CNGB3: variants seen among roughly 807,000 people sequenced by gnomAD.
CNGB3 encodes the protein cyclic nucleotide gated channel subunit beta 3, also known as cyclic nucleotide-gated channel beta-3.
A neutral mutation model predicts 92.8 loss-of-function variants in CNGB3; 86 were observed. That is an observed-to-expected ratio of 0.93 (90% confidence interval 0.78 to 1.11). CNGB3 has a LOEUF of 1.11. Among genes scored for constraint, CNGB3 ranks in the 50% least tolerant of loss-of-function variants. The probability of loss-of-function intolerance (pLI) is 0.00; values close to 1 mark genes in which losing one functional copy is unlikely to be tolerated. For synonymous variants in CNGB3, 333 were observed against 332.7 expected, an observed-to-expected ratio of 1.00 and a Z score of -0.01; for missense variants, 1,026 against 956.8, an observed-to-expected ratio of 1.07 and a Z score of -0.95.
chr8:86,723,554 T>G (rs1011098008), intron 3 of CNGB3, among the ~76,000 whole-genome samples: 8 of 152,194 alleles, frequency 5.3e-5, no homozygotes, highest in Non-Finnish European at 8.8e-5. Context: ...GTCCCTAGGA[T>G]TCTAGATATG....
rs1821643905 is a variant in CNGB3 at position 86,575,729 on chromosome 8, C to T, written c.*75G>A. 8 of 1,385,416 alleles carry T rather than the reference C, an allele frequency of 5.8e-6. No homozygotes were observed. The highest frequency in any genetic ancestry group is 4.7e-5 in the East Asian group (2 of 42,700). The allele number at this position is 1,385,416 out of a possible 1,614,324, so 85.8% of individuals were successfully genotyped here. A position where few individuals can be genotyped will look rare whatever the true frequency, so the allele number is the denominator to read the frequency against. Reference sequence around the variant, plus strand: ...AGGGTCCCAGCATGTCGTTTCCCCTCGTTAATTTAAGTTACAATCCTAGGT... The same window carrying T: ...AGGGTCCCAGCATGTCGTTTCCCCTTGTTAATTTAAGTTACAATCCTAGGT... On this transcript the variant is annotated 3_prime_UTR_variant, in exon 18 of 18. Coordinates refer to ENST00000320005, the MANE Select transcript of CNGB3 (RefSeq NM_019098.5).
At chr8:86,743,140 A>T (rs1043288880) in intron 1 of CNGB3, among the ~76,000 whole-genome samples, 1 of 152,142 alleles carries the variant, frequency 6.6e-6, no homozygotes, top group Non-Finnish European at 1.5e-5. Flanking sequence ...TTTATTGTTA[A>T]CATGTGGTTT....
At chr8:86,592,179 A>G (rs1158350982) in intron 15 of CNGB3, among the ~76,000 whole-genome samples, 2 of 152,320 alleles carry the variant, frequency 1.3e-5, no homozygotes, top group Non-Finnish European at 2.9e-5. Context: ...GAGTGAGGCA[A>G]TGCCTCGCCC....
At chr8:86,706,723 A>G (rs1228050773) in intron 3 of CNGB3, among the ~76,000 whole-genome samples, 1 of 152,208 alleles carries the variant, frequency 6.6e-6, no homozygotes, top group African/African-American at 2.4e-5. Flanking sequence ...AGTGCAATCA[A>G]TCCCTGATTA....
rs1259616679 is a variant in CNGB3 at position 86,588,779 on chromosome 8, G to T, written c.1782-9527C>A. On this transcript the variant is annotated intron_variant, in intron 15 of 17. Coordinates refer to ENST00000320005, the MANE Select transcript of CNGB3 (RefSeq NM_019098.5). ...GGATTTTTGCATCAATGTTCATCAA[G>T]GATATTGGTCTAAAATTCTCTTTTT... 7.9e-5 allele frequency among the ~76,000 whole-genome samples: 12 copies of T among 151,592 alleles called. 1 individual carries two copies. The highest frequency in any genetic ancestry group is 1.2e-4 in the African/African-American group (5 of 41,136).
At chr8:86,608,871 C>A (rs1364437774) in intron 14 of CNGB3, among the ~76,000 whole-genome samples, 1 of 152,128 alleles carries the variant, frequency 6.6e-6, no homozygotes, top group Non-Finnish European at 1.5e-5. Context: ...TAAATAACAG[C>A]ACAGCCAGAC....
chr8:86,738,708 G>A (rs1420901341), intron 2 of CNGB3, among the ~76,000 whole-genome samples: 5 of 152,046 alleles, frequency 3.3e-5, no homozygotes, highest in African/African-American at 1.2e-4. Context: ...GCTTGGTGGT[G>A]TGCACCTGTA....
intron 17 of CNGB3, 87 bp from the exon 18 acceptor site, chr8:86,576,217 T>C: frequency 7.5e-7 from 1 of 1,340,416 alleles, no homozygotes. Flanking sequence ...ATGGCTAAGA[T>C]CACCACCAAG....
chr8:86,739,372 A>G (rs898228520), intron 2 of CNGB3, among the ~76,000 whole-genome samples: 1 of 152,202 alleles, frequency 6.6e-6, no homozygotes, highest in African/African-American at 2.4e-5. Flanking sequence ...TACAAGCTCT[A>G]TGTAACCTCA....
chr8:86,638,964 C>A (rs1823127333), intron 10 of CNGB3, among the ~76,000 whole-genome samples: 2 of 151,822 alleles, frequency 1.3e-5, no homozygotes, highest in South Asian at 4.2e-4. Flanking sequence ...CTCTCTCTGC[C>A]ATTGTCTGAT....
intron 3 of CNGB3, among the ~76,000 whole-genome samples, chr8:86,695,166 G>GT (rs35827311): frequency 6.6e-6 from 1 of 152,006 alleles, no homozygotes; most frequent in Non-Finnish European, 1.5e-5. Flanking sequence ...GCGTGGCGGT[G>GT]GCGCCTGCAA....
rs60107723 is a variant in CNGB3 at position 86,735,042 on chromosome 8, G to GTTTT, written c.211+4609_211+4612dup. 1.0e-3 allele frequency among the ~76,000 whole-genome samples: 86 copies of GTTTT among 85,852 alleles called. 2 individuals carry two copies. Among genetic ancestry groups the GTTTT allele is most frequent in the Admixed American group, 1.2e-3 (8 of 6,452 alleles). The allele number at this position is 85,852 out of a possible 152,430, so 56.3% of individuals were successfully genotyped here. On this transcript the variant is annotated intron_variant, in intron 2 of 17. Coordinates refer to ENST00000320005, the MANE Select transcript of CNGB3 (RefSeq NM_019098.5). ...CATGTCAAATTCTCAAATGCCGGTG[G>GTTTT]TTTTTTTTTTTTTTTTTTTTTTTTT...
At chr8:86,619,728 CTTTT>C (rs71275868) in intron 13 of CNGB3, among the ~76,000 whole-genome samples, 27 of 73,398 alleles carry the variant, frequency 3.7e-4, no homozygotes, top group Admixed American at 2.2e-4. Flanking sequence ...TGGTCTTGAC[CTTTT>C]TTTTTTTTTT....
intron 14 of CNGB3, among the ~76,000 whole-genome samples, chr8:86,605,865 G>A (rs1430423359): frequency 6.6e-6 from 1 of 152,126 alleles, no homozygotes; most frequent in East Asian, 1.9e-4. Flanking sequence ...TGTGTTTAAA[G>A]TTATCAGACT....
chr8:86,643,535 G>A (rs533806364), intron 10 of CNGB3, among the ~76,000 whole-genome samples: 1 of 151,058 alleles, frequency 6.6e-6, no homozygotes, highest in Non-Finnish European at 1.5e-5. Context: ...GATATTTATC[G>A]TTTTGGGTCT....
At chr8:86,645,778 T>A (rs1279744052) in intron 8 of CNGB3, among the ~76,000 whole-genome samples, 1 of 151,348 alleles carries the variant, frequency 6.6e-6, no homozygotes, top group Non-Finnish European at 1.5e-5. Flanking sequence ...TTGTTTATTG[T>A]GCTCTTAATA....
At chr8:86,601,818 T>G (rs1224310987) in intron 15 of CNGB3, among the ~76,000 whole-genome samples, 1 of 152,210 alleles carries the variant, frequency 6.6e-6, no homozygotes, top group Admixed American at 6.5e-5. Context: ...CCCTTTTACT[T>G]GAATCAACCA....
In CNGB3 at chr8:86,575,712, A is replaced by G; in HGVS notation, c.*92T>C. On this transcript the variant is annotated 3_prime_UTR_variant, in exon 18 of 18. Coordinates refer to ENST00000320005, the MANE Select transcript of CNGB3 (RefSeq NM_019098.5). Reference sequence around the variant, plus strand: ...TTGCCTTTCGTTTCTCAAGGGTCCCAGCATGTCGTTTCCCCTCGTTAATTT... The same window carrying G: ...TTGCCTTTCGTTTCTCAAGGGTCCCGGCATGTCGTTTCCCCTCGTTAATTT... 1.7e-6 allele frequency: 2 copies of G among 1,166,778 alleles called. No individual in the cohort carries two copies. Among genetic ancestry groups the G allele is most frequent in the Non-Finnish European group, 2.5e-6 (2 of 799,762 alleles). The allele number at this position is 1,166,778 out of a possible 1,614,324, so 72.3% of individuals were successfully genotyped here. A position where few individuals can be genotyped will look rare whatever the true frequency, so the allele number is the denominator to read the frequency against.
chr8:86,589,353 A>T, intron 15 of CNGB3, among the ~76,000 whole-genome samples: 2 of 147,014 alleles, frequency 1.4e-5, no homozygotes, highest in Admixed American at 6.8e-5. Flanking sequence ...TTCTGCTCTG[A>T]TTTTAGTTAT....
Sources: gnomAD v4.1 joint callset for allele counts (sites outside exome capture counted in the v4.1 genomes callset) on GRCh38, gnomAD v4.1.1 for gene constraint, MANE v1.5 for transcripts, NCBI Gene and HGNC (gene_info 2026-07-23, HGNC 2026-07-21) for gene names.